Variants in MON1B observed in about 807,000 individuals in gnomAD.
The protein encoded by MON1B is vacuolar fusion protein MON1 homolog B.
A neutral mutation model predicts 45.1 loss-of-function variants in MON1B; 26 were observed. The ratio of observed to expected loss-of-function variants is 0.58; its 90% confidence interval spans 0.42 to 0.80. The LOEUF (loss-of-function observed/expected upper bound fraction) is 0.80, where lower values mean the gene tolerates loss of function less well. MON1B is among the 30% of genes least tolerant of loss of function. The probability of loss-of-function intolerance (pLI) is 0.00; values close to 1 mark genes in which losing one functional copy is unlikely to be tolerated. For synonymous variants in MON1B, 395 were observed against 320.2 expected (o/e 1.23, Z -2.49); for missense variants, 737 against 754.5 (o/e 0.98, Z 0.27).
chr16:77,197,401 CA>C (rs893920752), intron 5 of MON1B, among the ~76,000 whole-genome samples: 3 of 151,968 alleles, frequency 2.0e-5, no homozygotes, highest in East Asian at 1.9e-4. Flanking sequence ...ACGTCAAAAA[CA>C]AAAAAACAAA....
In MON1B at chr16:77,200,937, T is replaced by C. The variant is rs984761533; in HGVS notation, c.*2629T>C. The C allele has an allele frequency of 2.6e-5, 4 of 152,108 alleles. No homozygotes were observed. The highest frequency in any genetic ancestry group is 5.9e-5 in the Non-Finnish European group (4 of 68,064). The allele number at this position is 152,108 out of a possible 1,614,324, so 9.4% of individuals were successfully genotyped here. ...CTGTTGTCACCTTTCTGCCCCACTT[T>C]TATCTATCTCGAACACCCCTTTCTG... is the stretch of plus-strand genomic sequence containing the variant. On this transcript the variant is annotated 3_prime_UTR_variant, in exon 6 of 6. Coordinates refer to ENST00000248248, the MANE Select transcript of MON1B (RefSeq NM_014940.4).
Position 77,199,725 on chromosome 16 carries a change from C to T in MON1B, c.*1417C>T. ...TCTTATCACCGAGATTAACTTTTGT[C>T]AACTGTAGTGTATACGTTGTTGAAA... On this transcript the variant is annotated 3_prime_UTR_variant, in exon 6 of 6. Transcript: ENST00000248248. 1.9e-6 allele frequency: 1 copy of T among 519,484 alleles called. No individual in the cohort carries two copies. The highest frequency in any genetic ancestry group is 2.9e-5 in the South Asian group (1 of 34,708). 32.2% of individuals were successfully genotyped at this position (519,484 alleles called of 1,614,324 possible).
chr16:77,198,705 G>C lies in MON1B; in HGVS notation c.*397G>C, dbSNP rs548831800. 7.5e-5 allele frequency: 18 copies of C among 239,250 alleles called. No individual in the cohort carries two copies. The East Asian group carries it at 1.3e-3, about 17-fold the overall frequency. The allele number at this position is 239,250 out of a possible 1,614,324, so 14.8% of individuals were successfully genotyped here. On this transcript the variant is annotated 3_prime_UTR_variant, in exon 6 of 6. Transcript: ENST00000248248. ...GTCTAGGGTGGCCCACGGGGGTGCTGGAATTGGCACTTCAGGGCCAGGCTA... is the reference window on the plus strand; with the variant it reads ...GTCTAGGGTGGCCCACGGGGGTGCTCGAATTGGCACTTCAGGGCCAGGCTA...
Position 77,198,332 on chromosome 16 carries a change from A to G in MON1B, c.*24A>G. The G allele has an allele frequency of 6.2e-7, 1 of 1,602,418 alleles. No individual in the cohort carries two copies. The highest frequency in any genetic ancestry group is 2.2e-5 in the East Asian group (1 of 44,802). On this transcript the variant is annotated 3_prime_UTR_variant, in exon 6 of 6. Transcript: ENST00000248248. ...GATAGTTGGAGCTCCCAGACCAGGC[A>G]GTGCTGGGAGCAACCACCTTTGTTT...
Position 77,193,486 on chromosome 16 carries a change from C to T in MON1B, c.184C>T (p.Pro62Ser). 2 of 1,590,672 alleles carry T rather than the reference C, an allele frequency of 1.3e-6. No individual in the cohort carries two copies. The highest frequency in any genetic ancestry group is 1.1e-5 in the South Asian group (1 of 87,412). The change falls in exon 3 of 6, where the codon CCA becomes TCA. Residue 62 changes from proline to serine, a missense_variant. Coordinates refer to ENST00000248248, the MANE Select transcript of MON1B (RefSeq NM_014940.4). This position sits in a 1 kb window ranked among gnomAD's most constrained non-coding sequence, Gnocchi z 5.0. Reference sequence around the variant, plus strand: ...CAAGGACCAGCCACCCAGCCCATCACCACCGCCCCAGTCAGAGGCCCTGTC... The same window carrying T: ...CAAGGACCAGCCACCCAGCCCATCATCACCGCCCCAGTCAGAGGCCCTGTC... ...KDKDQPPSPS[P>S]PPQSEALSST...
intron 5 of MON1B, among the ~76,000 whole-genome samples, chr16:77,197,674 G>A (rs2054679842): frequency 6.6e-6 from 1 of 152,168 alleles, no homozygotes; most frequent in Admixed American, 6.5e-5. Flanking sequence ...CACAGGAAAG[G>A]CGCTAGTGAC....
rs11344903 is a variant in MON1B at position 77,200,746 on chromosome 16, C to CAAAAAAAAAAAAAA, written c.*2444_*2457dup. ...ACTCCAGCGCGGAAGACAGAGTGAG[C>CAAAAAAAAAAAAAA]AAAAAAAAAAAAAAAAAAAGAAAAA... On this transcript the variant is annotated 3_prime_UTR_variant, in exon 6 of 6. Coordinates refer to ENST00000248248, the MANE Select transcript of MON1B (RefSeq NM_014940.4). 8.3e-5 allele frequency: 7 copies of CAAAAAAAAAAAAAA among 84,812 alleles called. No individual in the cohort carries two copies. Among genetic ancestry groups the CAAAAAAAAAAAAAA allele is most frequent in the African/African-American group, 1.8e-4 (4 of 21,884 alleles). 5.3% of individuals were successfully genotyped at this position (84,812 alleles called of 1,614,324 possible).
Position 77,193,572 on chromosome 16 carries a change from GAGT to G in MON1B, c.273_275del (p.Ser93del). The G allele has an allele frequency of 3.7e-6, 6 of 1,614,074 alleles. No individual in the cohort carries two copies. Among genetic ancestry groups the G allele is most frequent in the Non-Finnish European group, 3.4e-6 (4 of 1,179,946 alleles). ...AGAATAGTCCCACATGTAGCCCTGA[GAGT>G]AGCTCTGGAGGCCAGGGCGGGGACC... On this transcript the variant is annotated inframe_deletion, in exon 3 of 6. Transcript: ENST00000248248. This position sits in a 1 kb window ranked among gnomAD's most constrained non-coding sequence, Gnocchi z 5.0.
In MON1B at chr16:77,191,629, A is replaced by C. The variant is rs139030373; in HGVS notation, c.144A>C (p.Glu48Asp). 1.9e-6 allele frequency: 3 copies of C among 1,610,634 alleles called. No homozygotes were observed. Among genetic ancestry groups the C allele is most frequent in the African/African-American group, 2.7e-5 (2 of 74,722 alleles). Residue 48 changes from glutamate to aspartate, a missense_variant, in exon 2 of 6, where the codon GAA (glutamate) becomes GAC (aspartate). Glu to Asp is a conservative substitution (Grantham distance 45). Transcript: ENST00000248248. ...PPDPEDEGLE[E>D]TGSKDKDQPP... Reference sequence around the variant, plus strand: ...ATCCCGAAGACGAGGGCCTGGAGGAAACAGGTATGACTCCACTTAGTGGGG... The same window carrying C: ...ATCCCGAAGACGAGGGCCTGGAGGACACAGGTATGACTCCACTTAGTGGGG...
At position 77,200,254 on chromosome 16, in the gene MON1B, G is replaced by GTATATATA. The variant is rs71382656; in HGVS notation, c.*1947_*1948insATATATAT. On this transcript the variant is annotated 3_prime_UTR_variant, in exon 6 of 6. Transcript: ENST00000248248. ...TGTGTATATATATATATATGTATAT[G>GTATATATA]TGTATATATATATATATGTGTATAT... is the stretch of plus-strand genomic sequence containing the variant. The GTATATATA allele has an allele frequency of 1.2e-5, 1 of 84,382 alleles. No homozygotes were observed. Among genetic ancestry groups the GTATATATA allele is most frequent in the African/African-American group, 3.9e-5 (1 of 25,682 alleles). 5.2% of individuals were successfully genotyped at this position (84,382 alleles called of 1,614,324 possible). A position where few individuals can be genotyped will look rare whatever the true frequency, so the allele number is the denominator to read the frequency against.
chr16:77,193,871 C>T lies in MON1B; in HGVS notation c.475+94C>T. On this transcript the variant is annotated intron_variant, in intron 3 of 5. Transcript: ENST00000248248. This position sits in a 1 kb window ranked among gnomAD's most constrained non-coding sequence, Gnocchi z 5.0. ...TCTGCCTCAGGCACTATCCAGCCAG[C>T]CAGGGTTGGGTCCATGTGTGTGGAT... 1 of 1,338,218 alleles carries T rather than the reference C, an allele frequency of 7.5e-7. No individual in the cohort carries two copies. Among genetic ancestry groups the T allele is most frequent in the Non-Finnish European group, 1.0e-6 (1 of 984,548 alleles). The allele number at this position is 1,338,218 out of a possible 1,614,324, so 82.9% of individuals were successfully genotyped here.
At chr16:77,191,759 C>T (rs944514772) in intron 2 of MON1B, 126 bp downstream of exon 2, 1 of 1,122,606 alleles carries the variant, frequency 8.9e-7, no homozygotes, top group Non-Finnish European at 1.3e-6. Context: ...AAACCATCGC[C>T]GGGTCAGGAG....
rs746828724 is a variant in MON1B at position 77,198,327 on chromosome 16, C to G, written c.*19C>G. The G allele has an allele frequency of 1.7e-5, 27 of 1,610,136 alleles. No homozygotes were observed. In the Admixed American group the frequency reaches 4.2e-4, roughly 25 times the overall value. On this transcript the variant is annotated 3_prime_UTR_variant, in exon 6 of 6. Coordinates refer to ENST00000248248, the MANE Select transcript of MON1B (RefSeq NM_014940.4). Reference sequence around the variant, plus strand: ...ACTCTGATAGTTGGAGCTCCCAGACCAGGCAGTGCTGGGAGCAACCACCTT... The same window carrying G: ...ACTCTGATAGTTGGAGCTCCCAGACGAGGCAGTGCTGGGAGCAACCACCTT...
intron 5 of MON1B, among the ~76,000 whole-genome samples, chr16:77,196,030 C>T (rs2054662408): frequency 6.6e-6 from 1 of 152,148 alleles, no homozygotes; most frequent in Admixed American, 6.5e-5. Flanking sequence ...CATTCATCAC[C>T]AGCTCATTGT....
intron 5 of MON1B, among the ~76,000 whole-genome samples, chr16:77,196,062 T>G (rs2054662660): frequency 6.6e-6 from 1 of 152,110 alleles, no homozygotes; most frequent in African/African-American, 2.4e-5. Flanking sequence ...TCCCCAGCAC[T>G]CCTCAGACTA....
intron 5 of MON1B, among the ~76,000 whole-genome samples, chr16:77,197,076 T>C (rs761968421): frequency 2.0e-5 from 3 of 151,958 alleles, no homozygotes; most frequent in Non-Finnish European, 4.4e-5. Context: ...GATTGGAATT[T>C]TAAAACCAAG....
chr16:77,192,102 G>T (rs147011899), intron 2 of MON1B, among the ~76,000 whole-genome samples: 33 of 152,234 alleles, frequency 2.2e-4, no homozygotes, highest in Non-Finnish European at 3.5e-4. Flanking sequence ...GTAGACTGTT[G>T]GGGAAGTCTT....
Position 77,194,172 on chromosome 16 carries a change from A to G in MON1B, c.476-163A>G. The stretch of plus-strand genomic sequence containing the variant: ...CCATCATGTCTCTGCAAATGTCCAG[A>G]TTCCTCCAGCTTGTCCTTACCCCAG... On this transcript the variant is annotated intron_variant, in intron 3 of 5. Coordinates refer to ENST00000248248, the MANE Select transcript of MON1B (RefSeq NM_014940.4). This position sits in a 1 kb window ranked among gnomAD's most constrained non-coding sequence, Gnocchi z 8.1. 2 of 719,248 alleles carry G rather than the reference A, an allele frequency of 2.8e-6. No homozygotes were observed. The highest frequency in any genetic ancestry group is 2.5e-6 in the Non-Finnish European group (1 of 406,234). 44.6% of individuals were successfully genotyped at this position (719,248 alleles called of 1,614,324 possible). A position where few individuals can be genotyped will look rare whatever the true frequency, so the allele number is the denominator to read the frequency against.
Position 77,195,567 on chromosome 16 carries a change from A to G in MON1B, c.1328A>G (p.Glu443Gly). 1 of 1,613,988 alleles carries G rather than the reference A, an allele frequency of 6.2e-7. No individual in the cohort carries two copies. The highest frequency in any genetic ancestry group is 8.5e-7 in the Non-Finnish European group (1 of 1,179,938). Reference protein sequence around the residue: ...PELEAPYSREEERQRLSDLYH... With the variant: ...PELEAPYSREGERQRLSDLYH... The stretch of plus-strand genomic sequence containing the variant: ...CTAGAGGCCCCCTACAGCAGAGAGG[A>G]GGAGCGGCAGCGGCTGTCGGACCTG... The change falls in exon 5 of 6, where the codon GAG becomes GGG. Residue 443 changes from glutamate to glycine, a missense_variant. Transcript: ENST00000248248.
Sources: allele counts gnomAD v4.1 joint callset (sites outside exome capture counted in the v4.1 genomes callset), GRCh38; gene constraint gnomAD v4.1.1; non-coding constraint Gnocchi (gnomAD v3.1); transcripts MANE v1.5; gene names NCBI Gene and HGNC (gene_info 2026-07-23, HGNC 2026-07-21).